The following RALYL variants were observed in gnomAD, a reference collection of about 807,000 sequenced individuals.
RALYL encodes RALY RNA binding protein like.
RALYL carries 29 observed loss-of-function variants against 35.1 expected under a neutral mutation model. The ratio of observed to expected loss-of-function variants is 0.83; its 90% CI spans 0.61 to 1.13. The LOEUF (loss-of-function observed/expected upper bound fraction) is 1.13. Among genes scored for constraint, RALYL ranks in the 50% most tolerant of loss-of-function variants. RALYL has a pLI of 0.00. For missense variants in RALYL, 359 were observed against 360.4 expected, an observed-to-expected ratio of 1.00 and a Z score of 0.03; for synonymous variants, 120 against 127.6, an observed-to-expected ratio of 0.94 and a Z score of 0.40.
At chr8:84,829,343 A>G (rs1221651592) in intron 4 of RALYL, 1 of 152,590 alleles carries the variant, frequency 6.6e-6, no homozygotes, top group Admixed American at 6.5e-5. Context: ...CCATATCATC[A>G]GTAGACAAAG....
chr8:84,674,858 T>C (rs934229396), intron 2 of RALYL, among the ~76,000 whole-genome samples: 16 of 152,156 alleles, frequency 1.1e-4, no homozygotes, highest in South Asian at 2.1e-4. Flanking sequence ...TCTTATATTT[T>C]TGAAACCAAA....
At chr8:84,865,259 G>A (rs1030954150) in intron 6 of RALYL, among the ~76,000 whole-genome samples, 7 of 152,108 alleles carry the variant, frequency 4.6e-5, no homozygotes, top group Non-Finnish European at 2.9e-5. Context: ...AATATACTAT[G>A]TTAATATTGA....
chr8:84,433,207 A>G (rs1419740405), intron 1 of RALYL, among the ~76,000 whole-genome samples: 1 of 152,092 alleles, frequency 6.6e-6, no homozygotes, highest in Non-Finnish European at 1.5e-5. Context: ...GGAGACAAAT[A>G]TGTGCCTTTC....
At chr8:84,708,519 A>G (rs943031626) in intron 2 of RALYL, among the ~76,000 whole-genome samples, 1 of 152,180 alleles carries the variant, frequency 6.6e-6, no homozygotes, top group African/African-American at 2.4e-5. Flanking sequence ...ATGTTTGCAT[A>G]TATCAGATGC....
chr8:84,872,561 A>C (rs933903191), intron 6 of RALYL: 1 of 152,182 alleles, frequency 6.6e-6, no homozygotes, highest in Non-Finnish European at 1.5e-5. Flanking sequence ...TGGCAAAATG[A>C]AAAATTGTCA....
intron 1 of RALYL, among the ~76,000 whole-genome samples, chr8:84,474,931 C>T (rs2053223821): frequency 8.6e-6 from 1 of 115,674 alleles, no homozygotes; most frequent in Non-Finnish European, 1.6e-5. Context: ...TTTTATTATA[C>T]TTTAAGTTCT....
At chr8:84,844,807 T>C (rs1437719134) in intron 4 of RALYL, among the ~76,000 whole-genome samples, 2 of 152,196 alleles carry the variant, frequency 1.3e-5, no homozygotes, top group Non-Finnish European at 2.9e-5. Flanking sequence ...AATGAGTTCG[T>C]GTCCTTTGTA....
Position 84,740,122 on chromosome 8 carries a change from C to T in RALYL, c.257-34457C>T, listed in dbSNP as rs541754904. ...AGACATGCTAATACTTATGAACGAG[C>T]AGATGGAAAAGTGTCTTTAAGGAAG... On this transcript the variant is annotated intron_variant, in intron 2 of 8. Transcript: ENST00000521268. Among the ~76,000 whole-genome samples the T allele has an allele frequency of 1.1e-4, 17 of 151,970 alleles. No homozygotes were observed. In the South Asian group the frequency reaches 3.1e-3, roughly 28 times the overall value.
intron 2 of RALYL, among the ~76,000 whole-genome samples, chr8:84,562,340 C>T (rs1421153121): frequency 6.6e-6 from 1 of 151,852 alleles, no homozygotes; most frequent in East Asian, 1.9e-4. Flanking sequence ...CTGTGATAAA[C>T]TTTGGTCATA....
At chr8:84,481,250 A>T (rs1483410450) in intron 1 of RALYL, among the ~76,000 whole-genome samples, 1 of 152,122 alleles carries the variant, frequency 6.6e-6, no homozygotes, top group Non-Finnish European at 1.5e-5. Context: ...TTTTTTTTGT[A>T]TATTGACTTT....
chr8:84,844,183 C>A (rs944772764), intron 4 of RALYL, among the ~76,000 whole-genome samples: 1 of 152,076 alleles, frequency 6.6e-6, no homozygotes, highest in Non-Finnish European at 1.5e-5. Flanking sequence ...GAACAGGCAA[C>A]CTACAGAATG....
chr8:84,643,273 C>T (rs951694621), intron 2 of RALYL, among the ~76,000 whole-genome samples: 1 of 151,442 alleles, frequency 6.6e-6, no homozygotes, highest in African/African-American at 2.4e-5. Context: ...ATGCATAAAA[C>T]ACTCAAATGG....
intron 2 of RALYL, among the ~76,000 whole-genome samples, chr8:84,735,811 CGA>C (rs59842702): frequency 0.011 from 1,230 of 111,076 alleles, 5 homozygotes; most frequent in Admixed American, 0.016. Flanking sequence ...ATCCAAACCG[CGA>C]GAGAGAGAGA....
intron 1 of RALYL, among the ~76,000 whole-genome samples, chr8:84,303,399 A>G (rs1008677061): frequency 1.8e-4 from 28 of 152,306 alleles, no homozygotes; most frequent in Non-Finnish European, 2.9e-4. Flanking sequence ...TAATAGCTTT[A>G]CAAGTGTGTC....
chr8:84,533,586 C>A (rs2059408192), intron 2 of RALYL, among the ~76,000 whole-genome samples: 1 of 152,144 alleles, frequency 6.6e-6, no homozygotes, highest in East Asian at 1.9e-4. Flanking sequence ...AGGAACCAAA[C>A]ACTGAAAAAT....
chr8:84,204,714 C>G (rs1817671326), intron 1 of RALYL, among the ~76,000 whole-genome samples: 1 of 152,146 alleles, frequency 6.6e-6, no homozygotes, highest in Non-Finnish European at 1.5e-5. Flanking sequence ...GCCATATGTT[C>G]AACTGCTGTC....
intron 2 of RALYL, among the ~76,000 whole-genome samples, chr8:84,539,616 G>A (rs2059852902): frequency 6.6e-6 from 1 of 151,752 alleles, no homozygotes; most frequent in Non-Finnish European, 1.5e-5. Flanking sequence ...ACATGCTTCT[G>A]TGTTTCCTTG....
At chr8:84,814,747 TA>T (rs1297158495) in intron 4 of RALYL, among the ~76,000 whole-genome samples, 1 of 152,214 alleles carries the variant, frequency 6.6e-6, no homozygotes, top group Admixed American at 6.5e-5. Flanking sequence ...ATATATGATA[TA>T]AAAAGAACTT....
chr8:84,328,678 A>C (rs1846269520), intron 1 of RALYL, among the ~76,000 whole-genome samples: 1 of 152,126 alleles, frequency 6.6e-6, no homozygotes, highest in African/African-American at 2.4e-5. Context: ...ATATTGCAGG[A>C]TGCTAAGGTT....
Sources: gnomAD v4.1 joint callset for allele counts (sites outside exome capture counted in the v4.1 genomes callset) on GRCh38, gnomAD v4.1.1 for gene constraint, MANE v1.5 for transcripts, NCBI Gene and HGNC (gene_info 2026-07-23, HGNC 2026-07-21) for gene names.